Variants in EIF4ENIF1 observed in about 807,000 individuals in gnomAD.
EIF4ENIF1 encodes the protein eukaryotic translation initiation factor 4E transporter.
EIF4ENIF1 carries 23 observed loss-of-function variants against 110.5 expected under a neutral mutation model. That is an observed-to-expected ratio of 0.21 (90% CI 0.15 to 0.29). The LOEUF is 0.29. Ranked by LOEUF, EIF4ENIF1 falls within the 10% of genes least tolerant of loss-of-function variation. The pLI, the probability that EIF4ENIF1 is intolerant of heterozygous loss-of-function variation, is 1.00. For synonymous variants in EIF4ENIF1, 440 were observed against 437.0 expected (o/e 1.01, Z -0.09); for missense variants, 1,031 against 1,221.1 (o/e 0.84, Z 2.32).
chr22:31,458,717 A>G, intron 6 of EIF4ENIF1, 67 bp from the exon 7 acceptor site: 7 of 1,428,640 alleles, frequency 4.9e-6, no homozygotes, highest in Non-Finnish European at 6.5e-6. Context: ...CTGTGGCTTC[A>G]GCCATCAGTA....
At chr22:31,456,342 G>A (rs2050816412) in intron 7 of EIF4ENIF1, among the ~76,000 whole-genome samples, 1 of 150,906 alleles carries the variant, frequency 6.6e-6, no homozygotes, top group Admixed American at 6.6e-5. Flanking sequence ...TCCTGCCTCA[G>A]CCTCCTGAGT....
At chr22:31,483,108 A>T (rs1264145027) in intron 2 of EIF4ENIF1, among the ~76,000 whole-genome samples, 1 of 149,534 alleles carries the variant, frequency 6.7e-6, no homozygotes, top group African/African-American at 2.5e-5. Context: ...CAAGCAGAAG[A>T]TGGCATCACT....
chr22:31,466,290 A>G (rs112058175), intron 4 of EIF4ENIF1, among the ~76,000 whole-genome samples: 1 of 152,068 alleles, frequency 6.6e-6, no homozygotes, highest in Non-Finnish European at 1.5e-5. Context: ...GCGCACGCCT[A>G]TAATCCCAGC....
At chr22:31,441,449 A>C (rs1386227024) in intron 17 of EIF4ENIF1, among the ~76,000 whole-genome samples, 1 of 143,494 alleles carries the variant, frequency 7.0e-6, no homozygotes, top group East Asian at 2.3e-4. Flanking sequence ...CTGAGGCAGG[A>C]GAATTGCTTG....
chr22:31,471,799 AAGTTATTGAC>A, intron 3 of EIF4ENIF1, 35 bp downstream of exon 3: 2 of 1,495,696 alleles, frequency 1.3e-6, no homozygotes, highest in Non-Finnish European at 1.8e-6. Flanking sequence ...GTATAACAAA[AAGTTATTGAC>A]TAGAAGTAGT....
chr22:31,461,723 G>A lies in EIF4ENIF1; in HGVS notation c.787+1209C>T, dbSNP rs139436894. On this transcript the variant is annotated intron_variant, in intron 6 of 18. Coordinates refer to ENST00000330125, the MANE Select transcript of EIF4ENIF1 (RefSeq NM_019843.4). ...GCTGGGATCACAGGCGTGAGCCACC[G>A]TACTCATCCTGAAACTAAGTTTGAG... 386 of 152,366 alleles carry A rather than the reference G, an allele frequency of 2.5e-3. 4 individuals carry two copies. In the Middle Eastern group the frequency reaches 0.037, roughly 15 times the overall value. 9.4% of individuals were successfully genotyped at this position (152,366 alleles called of 1,614,324 possible). A position where few individuals can be genotyped will look rare whatever the true frequency, so the allele number is the denominator to read the frequency against.
rs1207597505 is a variant in EIF4ENIF1 at position 31,443,261 on chromosome 22, A to G, written c.2074-167T>C. The G allele has an allele frequency of 5.6e-6, 5 of 893,424 alleles. No individual in the cohort carries two copies. The South Asian group carries it at 7.1e-5, about 13-fold the overall frequency. 55.3% of individuals were successfully genotyped at this position (893,424 alleles called of 1,614,324 possible). On this transcript the variant is annotated intron_variant, in intron 15 of 18. Transcript: ENST00000330125. ...GCTGGAGGAAAAACAGAATGGGGCA[A>G]ATAGGCAGTGTCCCAAGTACATTAT...
chr22:31,476,560 G>A (rs1569100852), intron 2 of EIF4ENIF1, among the ~76,000 whole-genome samples: 1 of 152,134 alleles, frequency 6.6e-6, no homozygotes, highest in Admixed American at 6.6e-5. Flanking sequence ...ATGGTATCCT[G>A]GATAGAATCC....
intron 11 of EIF4ENIF1, among the ~76,000 whole-genome samples, chr22:31,449,734 C>CTTT (rs36031296): frequency 2.8e-5 from 4 of 143,712 alleles, no homozygotes; most frequent in Non-Finnish European, 4.6e-5. Context: ...ATAGAGGTTC[C>CTTT]TTTTTTTTTT....
intron 5 of EIF4ENIF1, 142 bp downstream of exon 5, chr22:31,463,539 G>T (rs537984300): frequency 3.6e-5 from 29 of 814,952 alleles, no homozygotes; most frequent in Non-Finnish European, 5.0e-5. Flanking sequence ...AAAGTTAGCC[G>T]GGTATGGTGG....
chr22:31,455,978 C>G lies in EIF4ENIF1; in HGVS notation c.973G>C (p.Asp325His), dbSNP rs1348044932. 8.7e-6 allele frequency: 14 copies of G among 1,613,580 alleles called. No individual in the cohort carries two copies. Among genetic ancestry groups the G allele is most frequent in the Non-Finnish European group, 1.2e-5 (14 of 1,179,906 alleles). Residue 325 changes from aspartate (D) to histidine (H), a missense_variant, in exon 8 of 19, where the codon GAT becomes CAT. This residue lies in a region of EIF4ENIF1 where 704 missense variants were observed against 879.7 expected (regional missense o/e 0.80). Transcript: ENST00000330125. ...GAGACTGACCCTTCTCCCAAAACAT[C>G]TTCTATCATCTGAAGAAAAAGACAA... is the stretch of plus-strand genomic sequence containing the variant. ...KVPCLASMIEDVLGEGSVSAS... is the reference protein window; with the variant it reads ...KVPCLASMIEHVLGEGSVSAS...
chr22:31,464,924 C>G (rs192754483), intron 4 of EIF4ENIF1, among the ~76,000 whole-genome samples: 7 of 151,276 alleles, frequency 4.6e-5, no homozygotes, highest in Non-Finnish European at 7.4e-5. Context: ...TTTAAAACTT[C>G]TACTCTTTGA....
chr22:31,444,207 G>A (rs1479685663), intron 15 of EIF4ENIF1, among the ~76,000 whole-genome samples: 2 of 152,104 alleles, frequency 1.3e-5, no homozygotes, highest in Non-Finnish European at 2.9e-5. Context: ...ACCTGAAGTG[G>A]TGAATCCGAA....
chr22:31,474,447 C>A (rs913811513), intron 2 of EIF4ENIF1, among the ~76,000 whole-genome samples: 2 of 151,756 alleles, frequency 1.3e-5, no homozygotes, highest in Admixed American at 1.3e-4. Flanking sequence ...CCAGTGGGTG[C>A]CTCTTCAAAC....
chr22:31,450,675 G>C, intron 10 of EIF4ENIF1: 1 of 313,348 alleles, frequency 3.2e-6, no homozygotes, highest in South Asian at 3.1e-5. Flanking sequence ...ACACTTACTT[G>C]AGATAACTCT....
chr22:31,452,694 G>C (rs915614535), intron 10 of EIF4ENIF1, among the ~76,000 whole-genome samples: 1 of 152,120 alleles, frequency 6.6e-6, no homozygotes, highest in Non-Finnish European at 1.5e-5. Context: ...AAGGAAAATA[G>C]GATAGTCTAC....
rs932919082 is a variant in EIF4ENIF1 at position 31,461,439 on chromosome 22, GT to G, written c.787+1492del. On this transcript the variant is annotated intron_variant, in intron 6 of 18. Transcript: ENST00000330125. ...CCCATCTTACAGCTGAGGAAACTAG[GT>G]TTTTTTGGTTTTTTTGGAGACAGAG... 7.9e-5 allele frequency among the ~76,000 whole-genome samples: 12 copies of G among 152,028 alleles called. No homozygotes were observed. The East Asian group carries it at 2.1e-3, about 27-fold the overall frequency.
rs1316214671 is a variant in EIF4ENIF1 at position 31,483,001 on chromosome 22, CGACA to C, written c.96+5618_96+5621del. ...ATAGGGCCACTGCACTCCAGCCTGG[CGACA>C]GACAGAGACTCTGTCTCAAAACAAA... On this transcript the variant is annotated intron_variant, in intron 2 of 18. Transcript: ENST00000330125. 5.9e-5 allele frequency among the ~76,000 whole-genome samples: 9 copies of C among 151,388 alleles called. No individual in the cohort carries two copies. In the East Asian group the frequency reaches 1.6e-3, roughly 26 times the overall value.
At chr22:31,464,119 G>T in intron 4 of EIF4ENIF1, 152 bp from the exon 5 acceptor site, 1 of 866,682 alleles carries the variant, frequency 1.2e-6, no homozygotes, top group Non-Finnish European at 1.7e-6. Flanking sequence ...AGGGTAACAT[G>T]TACATTATGT....
Sources: gnomAD v4.1 joint callset for allele counts (sites outside exome capture counted in the v4.1 genomes callset) on GRCh38, gnomAD v4.1.1 for gene constraint, gnomAD v4.1.1 regional missense constraint, MANE v1.5 for transcripts, NCBI Gene and HGNC (gene_info 2026-07-23, HGNC 2026-07-21) for gene names.